Variants in MCPH1 observed in about 807,000 individuals in gnomAD.
MCPH1 encodes the protein microcephalin.
A neutral mutation model predicts 84.5 loss-of-function variants in MCPH1; 104 were observed. The ratio of observed to expected loss-of-function variants is 1.23; its 90% CI spans 1.05 to 1.45. The LOEUF (loss-of-function observed/expected upper bound fraction) is 1.45. Among genes scored for constraint, MCPH1 ranks in the 40% most tolerant of loss-of-function variants. The pLI, the probability that MCPH1 is intolerant of heterozygous loss-of-function variation, is 0.00. For missense variants in MCPH1, 1,498 were observed against 1,005.7 expected (o/e 1.49, Z -6.62); for synonymous variants, 514 against 366.8 (o/e 1.40, Z -4.58).
At chr8:6,413,444 A>G (rs1798816337) in intron 2 of MCPH1, among the ~76,000 whole-genome samples, 2 of 150,832 alleles carry the variant, frequency 1.3e-5, no homozygotes, top group South Asian at 2.1e-4. Flanking sequence ...CATATCCTTT[A>G]GTTTGAGAAA....
intron 10 of MCPH1, 24 bp from the exon 11 acceptor site, chr8:6,480,690 T>C (rs1443982142): frequency 6.2e-7 from 1 of 1,614,116 alleles, no homozygotes; most frequent in Non-Finnish European, 8.5e-7. Context: ...ATTCATTTTG[T>C]TAATTTTTCC....
chr8:6,622,007 C>A (rs187123861), intron 13 of MCPH1: 1 of 421,292 alleles, frequency 2.4e-6, no homozygotes, highest in Non-Finnish European at 4.7e-6. Context: ...ACTCTCCGGG[C>A]ACCCCTCTTA....
intron 9 of MCPH1, chr8:6,474,052 G>T: frequency 2.5e-6 from 2 of 807,626 alleles, no homozygotes; most frequent in South Asian, 1.4e-5. Context: ...GAAGTATTTC[G>T]TACAATATGT....
At chr8:6,451,276 GATTC>G (rs956973648) in intron 8 of MCPH1, among the ~76,000 whole-genome samples, 6 of 152,148 alleles carry the variant, frequency 3.9e-5, no homozygotes, top group East Asian at 1.9e-4. Context: ...CTGTTTGGTT[GATTC>G]ATTCATTCAT....
chr8:6,563,525 C>G (rs1377644678), intron 12 of MCPH1: 1 of 152,240 alleles, frequency 6.6e-6, no homozygotes, highest in Non-Finnish European at 1.5e-5. Context: ...TCTCTTTTGT[C>G]TGAAACTGAT....
chr8:6,511,075 C>T (rs1353673142), intron 12 of MCPH1, among the ~76,000 whole-genome samples: 1 of 152,184 alleles, frequency 6.6e-6, no homozygotes, highest in African/African-American at 2.4e-5. Context: ...TCTCTCTTGT[C>T]TCCTTTGAAC....
At position 6,424,849 on chromosome 8, in the gene MCPH1, C is replaced by G. The variant is rs569278349; in HGVS notation, c.234-6650C>G. 1.8e-4 allele frequency among the ~76,000 whole-genome samples: 28 copies of G among 152,346 alleles called. No homozygotes were observed. In the South Asian group the frequency reaches 5.2e-3, roughly 28 times the overall value. The stretch of plus-strand genomic sequence containing the variant: ...GTCTCCTGTGTTCTTCCTTGTGTGT[C>G]AGGGACACACGTGAAGGATAGCGTG... On this transcript the variant is annotated intron_variant, in intron 3 of 13. Coordinates refer to ENST00000344683, the MANE Select transcript of MCPH1 (RefSeq NM_024596.5).
At chr8:6,642,864 G>T in intron 13 of MCPH1, 130 bp from the exon 14 acceptor site, 1 of 791,724 alleles carries the variant, frequency 1.3e-6, no homozygotes, top group East Asian at 2.6e-5. Context: ...TGGACGTGGG[G>T]GGGCCTATGG....
At chr8:6,410,887 C>T (rs746217144) in intron 2 of MCPH1, among the ~76,000 whole-genome samples, 10 of 151,982 alleles carry the variant, frequency 6.6e-5, no homozygotes, top group South Asian at 6.2e-4. Flanking sequence ...GTCAGGAGTT[C>T]GAGACCAGCC....
At chr8:6,624,894 A>C (rs1831901040) in intron 13 of MCPH1, 1 of 911,568 alleles carries the variant, frequency 1.1e-6, no homozygotes, top group African/African-American at 1.9e-5. Context: ...TTTTTTTCTG[A>C]GATGGAGTCT....
At chr8:6,442,899 C>T (rs922627052) in intron 7 of MCPH1, among the ~76,000 whole-genome samples, 4 of 152,188 alleles carry the variant, frequency 2.6e-5, no homozygotes, top group Admixed American at 6.5e-5. Context: ...CTCCTTTCAG[C>T]GCAGGGTTAA....
In MCPH1 at chr8:6,567,576, A is replaced by T. The variant is rs556617217; in HGVS notation, c.2215-53878A>T. Among the ~76,000 whole-genome samples, 4 of 152,306 alleles carry T rather than the reference A, an allele frequency of 2.6e-5. No homozygotes were observed. The South Asian group carries it at 8.3e-4, about 32-fold the overall frequency. ...TGGCCTGGGATGCAAGTGTGCATGGATGGGCGCTCAGCTGTGGCCCCTAGG... is the reference window on the plus strand; with the variant it reads ...TGGCCTGGGATGCAAGTGTGCATGGTTGGGCGCTCAGCTGTGGCCCCTAGG... On this transcript the variant is annotated intron_variant, in intron 12 of 13. Transcript: ENST00000344683.
intron 3 of MCPH1, among the ~76,000 whole-genome samples, chr8:6,427,433 AC>A (rs1801218535): frequency 6.6e-6 from 1 of 152,184 alleles, no homozygotes; most frequent in Non-Finnish European, 1.5e-5. Flanking sequence ...GTGAAGTGGC[AC>A]ATTTATGGCT....
intron 12 of MCPH1, among the ~76,000 whole-genome samples, chr8:6,594,882 GGATAGAAGA>G (rs1420024027): frequency 6.6e-6 from 1 of 152,186 alleles, no homozygotes; most frequent in East Asian, 1.9e-4. Context: ...TAGTTTAAAG[GGATAGAAGA>G]GACATTACTT....
chr8:6,539,955 G>T (rs991313437), intron 12 of MCPH1, among the ~76,000 whole-genome samples: 5 of 152,182 alleles, frequency 3.3e-5, no homozygotes, highest in African/African-American at 7.2e-5. Flanking sequence ...ACTTTCGCTA[G>T]TATAAGAGAC....
Position 6,576,682 on chromosome 8 carries a change from A to ATTTTTTTT in MCPH1, c.2215-44734_2215-44727dup, listed in dbSNP as rs58486084. ...GCCACCACGCTCTGCTAATTTTTGT[A>ATTTTTTTT]TTTTTTTTTTTTTTTTTTTTTTTTT... On this transcript the variant is annotated intron_variant, in intron 12 of 13. Transcript: ENST00000344683. Among the ~76,000 whole-genome samples, 47 of 42,346 alleles carry ATTTTTTTT rather than the reference A, an allele frequency of 1.1e-3. 1 individual carries two copies. Among genetic ancestry groups the ATTTTTTTT allele is most frequent in the African/African-American group, 1.8e-3 (28 of 15,856 alleles). 27.8% of individuals were successfully genotyped at this position (42,346 alleles called of 152,430 possible).
At chr8:6,501,509 G>T (rs1812171443) in intron 12 of MCPH1, 1 of 149,676 alleles carries the variant, frequency 6.7e-6, no homozygotes, top group South Asian at 2.1e-4. Flanking sequence ...TTATGGTTTT[G>T]TAGTCCCGAG....
chr8:6,499,109 A>G (rs1414502140), intron 11 of MCPH1, among the ~76,000 whole-genome samples: 3 of 151,858 alleles, frequency 2.0e-5, no homozygotes, highest in East Asian at 3.8e-4. Flanking sequence ...TAAAATAAAC[A>G]TGAATTGTAT....
intron 12 of MCPH1, among the ~76,000 whole-genome samples, chr8:6,588,531 G>T (rs1451335221): frequency 6.6e-6 from 1 of 152,182 alleles, no homozygotes; most frequent in Non-Finnish European, 1.5e-5. Flanking sequence ...TCCCAGGGAG[G>T]CTGTGTCCAG....
Sources: allele counts gnomAD v4.1 joint callset (sites outside exome capture counted in the v4.1 genomes callset), GRCh38; gene constraint gnomAD v4.1.1; transcripts MANE v1.5; gene names NCBI Gene and HGNC (gene_info 2026-07-23, HGNC 2026-07-21).